The following FBXO4 variants were observed in gnomAD, a reference collection of about 807,000 sequenced individuals.
The protein encoded by FBXO4 is F-box protein 4.
FBXO4 carries 36 observed loss-of-function variants against 43.7 expected under a neutral mutation model. The ratio of observed to expected loss-of-function variants is 0.82; its 90% CI spans 0.63 to 1.09. The LOEUF is 1.09. Among genes scored for constraint, FBXO4 ranks in the 50% least tolerant of loss-of-function variants. FBXO4 has a pLI of 0.00. For missense variants in FBXO4, 435 were observed against 474.1 expected (o/e 0.92, Z 0.77); for synonymous variants, 180 against 165.6 (o/e 1.09, Z -0.67).
the FBXO4 span, among the ~76,000 whole-genome samples, chr5:41,947,538 A>G: frequency 6.6e-6 from 1 of 152,234 alleles, no homozygotes; most frequent in African/African-American, 2.4e-5. Flanking sequence ...ATCAGGCTTA[A>G]GCTTTCACAA....
chr5:41,953,975 G>C, the FBXO4 span, among the ~76,000 whole-genome samples: 6 of 152,118 alleles, frequency 3.9e-5, no homozygotes, highest in African/African-American at 1.2e-4. Context: ...CTAGCATTCT[G>C]GATTCAAGGT....
At chr5:41,991,011 A>G in the FBXO4 span, among the ~76,000 whole-genome samples, 1 of 152,162 alleles carries the variant, frequency 6.6e-6, no homozygotes, top group Non-Finnish European at 1.5e-5. Context: ...CAAAGTCTAG[A>G]TGAATTAAAT....
intron 5 of FBXO4, among the ~76,000 whole-genome samples, chr5:41,938,904 T>G (rs773054764): frequency 2.0e-5 from 3 of 152,026 alleles, no homozygotes; most frequent in Non-Finnish European, 2.9e-5. Flanking sequence ...ATTGAATCTT[T>G]CAACAAGAAG....
At chr5:41,939,189 C>T in intron 5 of FBXO4, 1 of 325,876 alleles carries the variant, frequency 3.1e-6, no homozygotes, top group East Asian at 5.1e-5. Flanking sequence ...TACTATATGC[C>T]TACATTTTGA....
Position 41,939,593 on chromosome 5 carries a change from A to C in FBXO4, c.1051A>C (p.Asn351His). ...TTATTTGGCTCATGAGCTGCATCTG[A>C]ATCTTCTAAATCACCCATGGCTGGT... ...CFYLAHELHLNLLNHPWLVQD... is the reference protein window; with the variant it reads ...CFYLAHELHLHLLNHPWLVQD... Residue 351 changes from asparagine (N) to histidine (H), a missense_variant, in exon 6 of 7, where the codon AAT (asparagine) becomes CAT (histidine). Transcript: ENST00000281623. 6.2e-7 allele frequency: 1 copy of C among 1,612,728 alleles called. No homozygotes were observed. The highest frequency in any genetic ancestry group is 8.5e-7 in the Non-Finnish European group (1 of 1,179,290).
the FBXO4 span, among the ~76,000 whole-genome samples, chr5:41,997,540 G>C: frequency 0.015 from 2,273 of 152,268 alleles, 54 homozygotes; most frequent in African/African-American, 0.047. Context: ...GTATGTCTAT[G>C]CCAATTATGC....
At chr5:41,961,810 C>A in the FBXO4 span, among the ~76,000 whole-genome samples, 1 of 152,152 alleles carries the variant, frequency 6.6e-6, no homozygotes, top group African/African-American at 2.4e-5. Context: ...TTCTGGCGTT[C>A]CTGGACAAGA....
At chr5:42,029,977 A>G in the FBXO4 span, among the ~76,000 whole-genome samples, 26 of 152,280 alleles carry the variant, frequency 1.7e-4, no homozygotes, top group South Asian at 4.8e-3. Flanking sequence ...AAATGGAAGA[A>G]CATTCCATGC....
downstream of FBXO4, among the ~76,000 whole-genome samples, chr5:41,942,157 C>T (rs989731775): frequency 6.6e-6 from 1 of 151,904 alleles, no homozygotes; most frequent in African/African-American, 2.4e-5. Flanking sequence ...TGTATTTAGT[C>T]TCTTTTAGGT....
the FBXO4 span, among the ~76,000 whole-genome samples, chr5:42,023,270 G>T: frequency 1.3e-5 from 2 of 152,074 alleles, no homozygotes; most frequent in Non-Finnish European, 2.9e-5. Context: ...CTAACGTATT[G>T]CTTGGAGAAA....
At chr5:41,995,581 G>A in the FBXO4 span, among the ~76,000 whole-genome samples, 26 of 152,116 alleles carry the variant, frequency 1.7e-4, no homozygotes, top group African/African-American at 6.3e-4. Flanking sequence ...GTGATGACAG[G>A]GGTGTCTGGG....
At chr5:41,976,315 GACTTA>G in the FBXO4 span, among the ~76,000 whole-genome samples, 1 of 152,098 alleles carries the variant, frequency 6.6e-6, no homozygotes, top group African/African-American at 2.4e-5. Context: ...ACTTGTTCCA[GACTTA>G]ACTTAAAAGT....
At chr5:41,925,997 G>C (rs1330936395) in intron 1 of FBXO4, among the ~76,000 whole-genome samples, 4 of 152,130 alleles carry the variant, frequency 2.6e-5, no homozygotes, top group Non-Finnish European at 4.4e-5. Context: ...GAAACAAAAC[G>C]GCCCCTCAGT....
At chr5:41,953,917 G>C in the FBXO4 span, among the ~76,000 whole-genome samples, 6 of 152,044 alleles carry the variant, frequency 3.9e-5, no homozygotes, top group Admixed American at 3.9e-4. Flanking sequence ...AGATGAGTAG[G>C]TTGCGAAGAA....
At chr5:41,999,547 A>ATATATATATATATATG in the FBXO4 span, among the ~76,000 whole-genome samples, 3 of 81,300 alleles carry the variant, frequency 3.7e-5, no homozygotes, top group Admixed American at 1.3e-4. Context: ...ATATATATGT[A>ATATATATATATATATG]TATATATATA....
chr5:42,035,387 CCTTGT>C, the FBXO4 span, among the ~76,000 whole-genome samples: 28 of 152,170 alleles, frequency 1.8e-4, no homozygotes, highest in African/African-American at 6.3e-4. Flanking sequence ...GAGAGGGCAT[CCTTGT>C]CTTGTGGCAG....
At chr5:41,972,446 G>A in the FBXO4 span, among the ~76,000 whole-genome samples, 1 of 151,820 alleles carries the variant, frequency 6.6e-6, no homozygotes, top group African/African-American at 2.4e-5. Context: ...AGAAACAAGA[G>A]ATAATACAAA....
chr5:41,940,617 C>A (rs1259446469), intron 6 of FBXO4, among the ~76,000 whole-genome samples: 1 of 152,154 alleles, frequency 6.6e-6, no homozygotes, highest in African/African-American at 2.4e-5. Context: ...GACATGATAA[C>A]CCCTGAGTAA....
chr5:41,953,674 T>G, the FBXO4 span, among the ~76,000 whole-genome samples: 3 of 151,602 alleles, frequency 2.0e-5, no homozygotes, highest in African/African-American at 7.3e-5. Context: ...TCCTGACTTT[T>G]TAATGATTGC....
Sources: allele counts gnomAD v4.1 joint callset (sites outside exome capture counted in the v4.1 genomes callset), GRCh38; gene constraint gnomAD v4.1.1; transcripts MANE v1.5; gene names NCBI Gene and HGNC (gene_info 2026-07-23, HGNC 2026-07-21).